SPON1: variants seen among roughly 807,000 people sequenced by gnomAD.
SPON1 encodes the protein spondin 1.
A neutral mutation model predicts 111.7 loss-of-function variants in SPON1; 52 were observed. That is an observed-to-expected ratio of 0.47 (90% CI 0.37 to 0.59). SPON1 has a LOEUF of 0.59. Among genes scored for constraint, SPON1 ranks in the 20% least tolerant of loss-of-function variants. The probability of loss-of-function intolerance (pLI) is 0.00; values close to 1 mark genes in which losing one functional copy is unlikely to be tolerated. For synonymous variants in SPON1, 410 were observed against 395.8 expected (o/e 1.04, Z -0.43); for missense variants, 957 against 1,068.5 (o/e 0.90, Z 1.46).
chr11:14,035,923 C>T (rs1848591346), intron 2 of SPON1, among the ~76,000 whole-genome samples: 1 of 152,120 alleles, frequency 6.6e-6, no homozygotes, highest in African/African-American at 2.4e-5. Flanking sequence ...CAGCCTACTA[C>T]ACTTCATTCT....
At chr11:14,180,022 T>C (rs777697324) in intron 6 of SPON1, among the ~76,000 whole-genome samples, 3 of 152,194 alleles carry the variant, frequency 2.0e-5, no homozygotes, top group Non-Finnish European at 4.4e-5. Context: ...GAAGACTCTT[T>C]ACAGATCCCC....
At chr11:14,075,610 C>T (rs1848911112) in intron 4 of SPON1, among the ~76,000 whole-genome samples, 192 bp downstream of exon 4, 1 of 152,148 alleles carries the variant, frequency 6.6e-6, no homozygotes. Context: ...GCTCTAATTA[C>T]TCAGCTTGAT....
chr11:14,259,384 G>A lies in SPON1; in HGVS notation c.1597G>A (p.Glu533Lys), dbSNP rs1849145785. 2.5e-6 allele frequency: 4 copies of A among 1,612,058 alleles called. No homozygotes were observed. The highest frequency in any genetic ancestry group is 3.4e-6 in the Non-Finnish European group (4 of 1,179,294). Residue 533 changes from glutamate (E) to lysine (K), a missense_variant, in exon 12 of 16, where the codon GAG becomes AAG. By Grantham distance (56) the Glu-to-Lys change is moderately conservative. Transcript: ENST00000576479. The surrounding 1 kb of genome is among the most constrained non-coding windows in gnomAD (Gnocchi z 5.0). ...GGAGAGGTATGTGAAGCAGTTCCCG[G>A]AGGACGGCTCCGTGTGCACGCTGCC... ...SRERYVKQFPEDGSVCTLPTE... is the reference protein window; with the variant it reads ...SRERYVKQFPKDGSVCTLPTE...
intron 6 of SPON1, among the ~76,000 whole-genome samples, chr11:14,144,088 G>T (rs1490481631): frequency 3.9e-5 from 6 of 152,056 alleles, no homozygotes; most frequent in African/African-American, 1.4e-4. Context: ...ACAAGAATAT[G>T]AATTACCTCT....
intron 2 of SPON1, among the ~76,000 whole-genome samples, chr11:13,991,496 T>A (rs1848230160): frequency 6.6e-6 from 1 of 152,222 alleles, no homozygotes; most frequent in African/African-American, 2.4e-5. Context: ...TCAAGGTTCT[T>A]AGCTTCCTTG....
intron 2 of SPON1, among the ~76,000 whole-genome samples, chr11:13,998,283 T>C (rs1259055187): frequency 1.3e-5 from 2 of 152,174 alleles, no homozygotes; most frequent in Non-Finnish European, 2.9e-5. Flanking sequence ...CTGTGTCATT[T>C]TCTCTATTCT....
At chr11:14,119,096 G>A (rs976505348) in intron 5 of SPON1, among the ~76,000 whole-genome samples, 3 of 152,158 alleles carry the variant, frequency 2.0e-5, no homozygotes, top group African/African-American at 7.2e-5. Context: ...TATGGAAACA[G>A]GAGGAGCATC....
chr11:14,003,062 C>T (rs1478738605), intron 2 of SPON1, among the ~76,000 whole-genome samples: 2 of 152,186 alleles, frequency 1.3e-5, no homozygotes, highest in Non-Finnish European at 2.9e-5. Flanking sequence ...GCAATGGCCT[C>T]CGCGTTGTCC....
intron 2 of SPON1, among the ~76,000 whole-genome samples, chr11:14,026,146 C>T (rs1463947457): frequency 2.0e-5 from 3 of 152,226 alleles, no homozygotes; most frequent in African/African-American, 7.2e-5. Flanking sequence ...GCTCTCTTTG[C>T]TGCATGATTT....
At chr11:14,162,543 G>A (rs1178504481) in intron 6 of SPON1, among the ~76,000 whole-genome samples, 1 of 152,184 alleles carries the variant, frequency 6.6e-6, no homozygotes, top group Non-Finnish European at 1.5e-5. Context: ...AACCATCTGA[G>A]TATAGAACTC....
chr11:14,239,803 T>G (rs1443114605), intron 6 of SPON1, among the ~76,000 whole-genome samples: 1 of 152,206 alleles, frequency 6.6e-6, no homozygotes, highest in African/African-American at 2.4e-5. Flanking sequence ...AGCTTATGCT[T>G]CTCAACTATG....
rs182904954 is a variant in SPON1, at chr11:14,109,378, A to C, written c.677-26042A>C. On this transcript the variant is annotated intron_variant, in intron 5 of 15. Transcript: ENST00000576479. Reference sequence around the variant, plus strand: ...TTTAAAGCTTACAGAAATAAGATTAATACTGAAAAAGGATTAAGACTAAAT... The same window carrying C: ...TTTAAAGCTTACAGAAATAAGATTACTACTGAAAAAGGATTAAGACTAAAT... Among the ~76,000 whole-genome samples the C allele has an allele frequency of 1.5e-3, 231 of 152,320 alleles. 7 individuals carry two copies. Among genetic ancestry groups the C allele is most frequent in the Admixed American group, 3.0e-3 (46 of 15,308 alleles).
intron 5 of SPON1, among the ~76,000 whole-genome samples, chr11:14,130,342 C>T (rs1232953278): frequency 1.3e-5 from 2 of 152,050 alleles, no homozygotes; most frequent in South Asian, 2.1e-4. Context: ...GTGCTGAGTG[C>T]CCTTGGTGGT....
At chr11:14,148,344 G>C (rs972776369) in intron 6 of SPON1, among the ~76,000 whole-genome samples, 6 of 152,136 alleles carry the variant, frequency 3.9e-5, no homozygotes, top group African/African-American at 4.8e-5. Flanking sequence ...GGTTGCCTCT[G>C]GGGTGGAGAG....
At chr11:14,262,070 T>A in intron 14 of SPON1, among the ~76,000 whole-genome samples, 1 of 152,230 alleles carries the variant, frequency 6.6e-6, no homozygotes, top group East Asian at 1.9e-4. Flanking sequence ...ATTTATGAGA[T>A]GCTGGCTTAG....
intron 2 of SPON1, among the ~76,000 whole-genome samples, chr11:14,000,511 G>A (rs1848308937): frequency 6.6e-6 from 1 of 152,134 alleles, no homozygotes; most frequent in African/African-American, 2.4e-5. Context: ...ATAGGGCCTG[G>A]CACATAATAG....
intron 5 of SPON1, among the ~76,000 whole-genome samples, chr11:14,118,072 A>T (rs1448634099): frequency 3.3e-5 from 5 of 152,188 alleles, no homozygotes; most frequent in African/African-American, 1.2e-4. Context: ...TAAGATTGAA[A>T]TCTGAAAAAA....
chr11:14,261,351 G>A (rs1192424446), intron 14 of SPON1, among the ~76,000 whole-genome samples: 2 of 152,176 alleles, frequency 1.3e-5, no homozygotes, highest in Non-Finnish European at 1.5e-5. Flanking sequence ...GCTTTTTTGG[G>A]TGGTAAAAGG....
intron 3 of SPON1, among the ~76,000 whole-genome samples, chr11:14,058,969 G>A (rs1848768621): frequency 6.6e-6 from 1 of 152,162 alleles, no homozygotes; most frequent in Admixed American, 6.5e-5. Flanking sequence ...ATCCTCAGGG[G>A]ATTATGTCTT....
Sources: gnomAD v4.1 joint callset for allele counts (sites outside exome capture counted in the v4.1 genomes callset) on GRCh38, gnomAD v4.1.1 for gene constraint, Gnocchi (gnomAD v3.1) non-coding constraint, MANE v1.5 for transcripts, NCBI Gene and HGNC (gene_info 2026-07-23, HGNC 2026-07-21) for gene names.